CTNNA2: variants seen among roughly 807,000 people sequenced by gnomAD.
CTNNA2 encodes the protein catenin alpha 2.
CTNNA2 carries 42 observed loss-of-function variants against 101.0 expected under a neutral mutation model. That is an observed-to-expected ratio of 0.42 (90% CI 0.32 to 0.54). The LOEUF (loss-of-function observed/expected upper bound fraction) is 0.54. CTNNA2 is among the 20% of genes least tolerant of loss of function. The probability of loss-of-function intolerance (pLI) is 0.14; values close to 1 mark genes in which losing one functional copy is unlikely to be tolerated. For synonymous variants in CTNNA2, 450 were observed against 456.4 expected, an observed-to-expected ratio of 0.99 and a Z score of 0.18; for missense variants, 871 against 1,223.1, an observed-to-expected ratio of 0.71 and a Z score of 4.29.
chr2:79,628,339 G>T lies in CTNNA2; in HGVS notation c.-5-23213G>T, dbSNP rs180746336. 8.6e-5 allele frequency among the ~76,000 whole-genome samples: 13 copies of T among 152,046 alleles called. No homozygotes were observed. In the East Asian group the frequency reaches 1.5e-3, roughly 18 times the overall value. On this transcript the variant is annotated intron_variant, in intron 1 of 18. Coordinates refer to ENST00000402739, the MANE Select transcript of CTNNA2 (RefSeq NM_001282597.3). ...GTGGTGGCGGGCACCTGTAATCCTAGCTGCTCAGGAGGCTTAGGCAGGAGA... is the reference window on the plus strand; with the variant it reads ...GTGGTGGCGGGCACCTGTAATCCTATCTGCTCAGGAGGCTTAGGCAGGAGA...
At chr2:79,766,218 T>C (rs1673145108) in intron 3 of CTNNA2, among the ~76,000 whole-genome samples, 1 of 152,210 alleles carries the variant, frequency 6.6e-6, no homozygotes, top group Middle Eastern at 3.2e-3. Flanking sequence ...AGGTCTGGTG[T>C]TAATGCGGTC....
chr2:79,496,033 A>G (rs1420313522), intron 4 of CTNNA2, among the ~76,000 whole-genome samples: 1 of 152,174 alleles, frequency 6.6e-6, no homozygotes, highest in African/African-American at 2.4e-5. Context: ...TGGGTACAGA[A>G]TGTCTTTTGG....
At chr2:79,990,837 A>G in intron 7 of CTNNA2, among the ~76,000 whole-genome samples, 1 of 152,148 alleles carries the variant, frequency 6.6e-6, no homozygotes, top group Non-Finnish European at 1.5e-5. Context: ...TGATTGGAAT[A>G]GTTTCAGAAG....
At chr2:79,891,925 A>G (rs1409223510) in intron 6 of CTNNA2, among the ~76,000 whole-genome samples, 1 of 152,070 alleles carries the variant, frequency 6.6e-6, no homozygotes, top group Non-Finnish European at 1.5e-5. Flanking sequence ...TTCCATGAAT[A>G]TTCTTTAATA....
At chr2:80,464,122 A>G (rs1684667820) in intron 9 of CTNNA2, among the ~76,000 whole-genome samples, 2 of 152,154 alleles carry the variant, frequency 1.3e-5, no homozygotes, top group African/African-American at 4.8e-5. Context: ...GCCTCCAAGC[A>G]TCACTGCAGC....
chr2:80,551,732 T>C (rs886998923), intron 11 of CTNNA2, among the ~76,000 whole-genome samples: 3 of 152,202 alleles, frequency 2.0e-5, no homozygotes, highest in Admixed American at 6.5e-5. Context: ...GATATGATCT[T>C]CTATTTAGAC....
At chr2:80,483,139 G>T (rs1376710602) in intron 9 of CTNNA2, among the ~76,000 whole-genome samples, 1 of 152,132 alleles carries the variant, frequency 6.6e-6, no homozygotes, top group African/African-American at 2.4e-5. Context: ...GAGTAGCATA[G>T]CTGAGCTCTA....
intron 7 of CTNNA2, among the ~76,000 whole-genome samples, chr2:80,173,541 A>G (rs139233557): frequency 2.0e-5 from 3 of 152,318 alleles, no homozygotes; most frequent in African/African-American, 7.2e-5. Context: ...TAAGGAAGGG[A>G]CAAATTTTAA....
In CTNNA2 at chr2:80,205,855, T is replaced by C. The variant is rs370911632; in HGVS notation, c.1057-187356T>C. Among the ~76,000 whole-genome samples, 9 of 152,346 alleles carry C rather than the reference T, an allele frequency of 5.9e-5. No homozygotes were observed. In the South Asian group the frequency reaches 1.9e-3, roughly 32 times the overall value. On this transcript the variant is annotated intron_variant, in intron 7 of 18. Transcript: ENST00000402739. ...TGTAATCCAAGAAAAAAGAGATACT[T>C]GTTTAAAAATCCAAAGTTCTGACAT...
At chr2:79,849,985 T>C (rs182340395) in intron 3 of CTNNA2, among the ~76,000 whole-genome samples, 80 of 152,254 alleles carry the variant, frequency 5.3e-4, no homozygotes, top group Admixed American at 2.4e-3. Context: ...TGTGCTACAA[T>C]TATGATTTCT....
chr2:79,482,378 G>A (rs1671117685), intron 4 of CTNNA2, among the ~76,000 whole-genome samples: 1 of 152,184 alleles, frequency 6.6e-6, no homozygotes, highest in African/African-American at 2.4e-5. Context: ...CTAGTGGGAA[G>A]GGCTTCAACT....
At chr2:79,613,345 T>A (rs1296467423) in intron 1 of CTNNA2, among the ~76,000 whole-genome samples, 1 of 151,616 alleles carries the variant, frequency 6.6e-6, no homozygotes, top group Admixed American at 6.6e-5. Context: ...GTGGATGTAT[T>A]CTTTGGTTTT....
intron 9 of CTNNA2, among the ~76,000 whole-genome samples, chr2:80,463,349 G>A (rs1008877302): frequency 6.6e-6 from 1 of 152,144 alleles, no homozygotes; most frequent in African/African-American, 2.4e-5. Context: ...GTTCATTAAG[G>A]TAGTACTTTG....
intron 6 of CTNNA2, among the ~76,000 whole-genome samples, chr2:79,905,840 A>G (rs1165157395): frequency 2.6e-5 from 4 of 152,174 alleles, no homozygotes; most frequent in Non-Finnish European, 5.9e-5. Flanking sequence ...TTCAAATTAT[A>G]CAATGGCAAA....
intron 2 of CTNNA2, among the ~76,000 whole-genome samples, chr2:79,240,974 T>C (rs1174254856): frequency 6.6e-6 from 1 of 152,192 alleles, no homozygotes; most frequent in Non-Finnish European, 1.5e-5. Flanking sequence ...GCCCTGCTGA[T>C]TTTCCTATTC....
At chr2:80,437,296 T>C (rs1352061087) in intron 9 of CTNNA2, among the ~76,000 whole-genome samples, 1 of 152,206 alleles carries the variant, frequency 6.6e-6, no homozygotes, top group East Asian at 1.9e-4. Flanking sequence ...CTGAGAAACA[T>C]ACTTTAGGAA....
chr2:80,433,026 A>G (rs2149429035), intron 9 of CTNNA2, among the ~76,000 whole-genome samples: 1 of 152,224 alleles, frequency 6.6e-6, no homozygotes, highest in South Asian at 2.1e-4. Context: ...TTATGGATCA[A>G]TAGTTTTGCA....
At chr2:80,233,238 T>A (rs753776023) in intron 7 of CTNNA2, among the ~76,000 whole-genome samples, 13 of 152,142 alleles carry the variant, frequency 8.5e-5, no homozygotes, top group Non-Finnish European at 1.6e-4. Flanking sequence ...AATTGTGAAT[T>A]ATTGTGAAAT....
At chr2:79,292,622 A>T (rs1049136022) in intron 2 of CTNNA2, among the ~76,000 whole-genome samples, 3 of 152,194 alleles carry the variant, frequency 2.0e-5, no homozygotes, top group African/African-American at 7.2e-5. Flanking sequence ...AGGGAAGGTC[A>T]TTGAGGCCCA....
Sources: allele counts gnomAD v4.1 joint callset (sites outside exome capture counted in the v4.1 genomes callset), GRCh38; gene constraint gnomAD v4.1.1; transcripts MANE v1.5; gene names NCBI Gene and HGNC (gene_info 2026-07-23, HGNC 2026-07-21).